Variants in HTR7 observed in about 807,000 individuals in gnomAD.
HTR7 encodes 5-HT-7.
Under a neutral mutation model 34.0 loss-of-function variants are expected in HTR7, and 16 were observed. The ratio of observed to expected loss-of-function variants is 0.47; its 90% CI spans 0.32 to 0.71. HTR7 has a LOEUF of 0.71. Ranked by LOEUF, HTR7 falls within the 30% of genes least tolerant of loss-of-function variation. HTR7 has a pLI of 0.04. For missense variants in HTR7, 504 were observed against 625.5 expected, an observed-to-expected ratio of 0.81 and a Z score of 2.07; for synonymous variants, 265 against 260.2, an observed-to-expected ratio of 1.02 and a Z score of -0.18.
intron 1 of HTR7, among the ~76,000 whole-genome samples, chr10:90,825,851 C>T (rs942135157): frequency 6.6e-6 from 1 of 152,020 alleles, no homozygotes; most frequent in African/African-American, 2.4e-5. Context: ...TGAAGCACAC[C>T]TACAAGACTA....
chr10:90,833,199 C>A (rs12249377), intron 1 of HTR7, among the ~76,000 whole-genome samples: 24,512 of 152,222 alleles, frequency 0.16, 1,977 homozygotes, highest in African/African-American at 0.17. Context: ...CCAAGGTCAG[C>A]CCCTACTCCA....
chr10:90,759,460 C>T (rs1473763353), intron 1 of HTR7, among the ~76,000 whole-genome samples: 1 of 149,806 alleles, frequency 6.7e-6, no homozygotes, highest in East Asian at 2.0e-4. Flanking sequence ...TCGAGACCAT[C>T]CTGGCTAACA....
chr10:90,842,002 GAAAAAC>G (rs972764973), intron 1 of HTR7, among the ~76,000 whole-genome samples: 13 of 149,698 alleles, frequency 8.7e-5, no homozygotes, highest in East Asian at 2.0e-4. Flanking sequence ...CTGTCTCAAA[GAAAAAC>G]AAAAACAAAA....
chr10:90,853,024 A>G (rs1846523109), intron 1 of HTR7, among the ~76,000 whole-genome samples: 1 of 152,156 alleles, frequency 6.6e-6, no homozygotes, highest in Non-Finnish European at 1.5e-5. Flanking sequence ...AGTCATACAA[A>G]AAGTTATACA....
At chr10:90,826,946 A>T (rs979236826) in intron 1 of HTR7, among the ~76,000 whole-genome samples, 10 of 151,662 alleles carry the variant, frequency 6.6e-5, no homozygotes, top group African/African-American at 2.2e-4. Flanking sequence ...CAAAAAATAA[A>T]AATAATAATA....
chr10:90,798,291 T>C (rs749431289), intron 1 of HTR7, among the ~76,000 whole-genome samples: 2 of 152,202 alleles, frequency 1.3e-5, no homozygotes, highest in Non-Finnish European at 2.9e-5. Flanking sequence ...CAAAGCAATA[T>C]TGGGTTTTCC....
intron 1 of HTR7, among the ~76,000 whole-genome samples, chr10:90,823,384 T>C (rs1846017359): frequency 6.6e-6 from 1 of 152,246 alleles, no homozygotes; most frequent in South Asian, 2.1e-4. Flanking sequence ...ATGACTGCCC[T>C]GCTGGGTTTC....
intron 1 of HTR7, among the ~76,000 whole-genome samples, chr10:90,822,027 T>C (rs1045197007): frequency 1.3e-5 from 2 of 152,200 alleles, no homozygotes; most frequent in Non-Finnish European, 1.5e-5. Flanking sequence ...TAGTTCTTTA[T>C]AGCAGTGTAA....
At chr10:90,814,287 T>A (rs961287783) in intron 1 of HTR7, among the ~76,000 whole-genome samples, 1 of 152,192 alleles carries the variant, frequency 6.6e-6, no homozygotes, top group Non-Finnish European at 1.5e-5. Flanking sequence ...CACTTTATGA[T>A]GATAGGAATA....
chr10:90,758,262 T>A (rs1167987669), intron 1 of HTR7, among the ~76,000 whole-genome samples: 1 of 145,124 alleles, frequency 6.9e-6, no homozygotes, highest in Non-Finnish European at 1.5e-5. Context: ...GAAGAATCGC[T>A]TGAACCCAGG....
intron 1 of HTR7, among the ~76,000 whole-genome samples, chr10:90,814,847 A>AT (rs1236617147): frequency 6.6e-6 from 1 of 152,154 alleles, no homozygotes; most frequent in Non-Finnish European, 1.5e-5. Context: ...GATTGGAGAA[A>AT]TTTTTTTAAA....
At chr10:90,833,493 G>T (rs1846209810) in intron 1 of HTR7, among the ~76,000 whole-genome samples, 1 of 152,134 alleles carries the variant, frequency 6.6e-6, no homozygotes, top group African/African-American at 2.4e-5. Context: ...TACCGCATGG[G>T]GTTGTTGTAA....
intron 1 of HTR7, among the ~76,000 whole-genome samples, chr10:90,819,923 A>C (rs1262143735): frequency 6.6e-6 from 1 of 152,232 alleles, no homozygotes; most frequent in Admixed American, 6.5e-5. Context: ...ATTTTATTTT[A>C]GTATCAGTTG....
At chr10:90,795,401 C>T (rs1288220854) in intron 1 of HTR7, among the ~76,000 whole-genome samples, 5 of 152,118 alleles carry the variant, frequency 3.3e-5, no homozygotes, top group Non-Finnish European at 4.4e-5. Flanking sequence ...CTACCATGTC[C>T]ACCACCACTT....
intron 1 of HTR7, among the ~76,000 whole-genome samples, chr10:90,773,477 A>G (rs1472474854): frequency 6.6e-6 from 1 of 152,150 alleles, no homozygotes; most frequent in Non-Finnish European, 1.5e-5. Context: ...ATCTACTGAT[A>G]CTTTTTAAGT....
At chr10:90,851,802 G>A (rs1846504995) in intron 1 of HTR7, among the ~76,000 whole-genome samples, 1 of 152,014 alleles carries the variant, frequency 6.6e-6, no homozygotes, top group Non-Finnish European at 1.5e-5. Context: ...CATGGGGGTG[G>A]TTTCCCCCAT....
chr10:90,847,198 G>C (rs1846424317), intron 1 of HTR7, among the ~76,000 whole-genome samples: 1 of 152,238 alleles, frequency 6.6e-6, no homozygotes, highest in Non-Finnish European at 1.5e-5. Flanking sequence ...ACATCAAGTG[G>C]GGATACTGAT....
intron 1 of HTR7, among the ~76,000 whole-genome samples, chr10:90,841,155 T>C (rs776777526): frequency 1.4e-4 from 21 of 152,218 alleles, no homozygotes; most frequent in Admixed American, 3.9e-4. Context: ...CTCAGCTTTC[T>C]CATCTGTAAA....
Position 90,807,857 on chromosome 10 carries a change from C to A in HTR7, c.539+49276G>T, listed in dbSNP as rs188501377. Among the ~76,000 whole-genome samples the A allele has an allele frequency of 2.8e-4, 43 of 152,344 alleles. No individual in the cohort carries two copies. In the East Asian group the frequency reaches 8.3e-3, roughly 29 times the overall value. ...CCTCAGGTCCTCAGACCCACCAGCCCAAGGAACATCTCACCAATTTTAAAT... is the reference window on the plus strand; with the variant it reads ...CCTCAGGTCCTCAGACCCACCAGCCAAAGGAACATCTCACCAATTTTAAAT... On this transcript the variant is annotated intron_variant, in intron 1 of 3. Coordinates refer to ENST00000336152, the MANE Select transcript of HTR7 (RefSeq NM_019859.4).
Sources: allele counts gnomAD v4.1 joint callset (sites outside exome capture counted in the v4.1 genomes callset), GRCh38; gene constraint gnomAD v4.1.1; transcripts MANE v1.5; gene names NCBI Gene and HGNC (gene_info 2026-07-23, HGNC 2026-07-21).